Variants in LRRC49 observed in about 807,000 individuals in gnomAD.
LRRC49 encodes the protein leucine-rich repeat-containing protein 49.
In LRRC49, 50 loss-of-function variants were observed where a neutral mutation model predicts 83.3. The observed-to-expected ratio is 0.60, with a 90% CI of 0.48 to 0.76. The LOEUF (loss-of-function observed/expected upper bound fraction) is 0.76, where lower values mean the gene tolerates loss of function less well. Ranked by LOEUF, LRRC49 falls within the 30% of genes least tolerant of loss-of-function variation. The pLI is 0.00. For missense variants in LRRC49, 704 were observed against 809.1 expected (o/e 0.87, Z 1.58); for synonymous variants, 286 against 283.3 (o/e 1.01, Z -0.10).
intron 9 of LRRC49, among the ~76,000 whole-genome samples, chr15:70,964,284 G>A (rs1596074141): frequency 6.6e-6 from 1 of 152,076 alleles, no homozygotes; most frequent in African/African-American, 2.4e-5. Context: ...GATTGCCTGC[G>A]TCTGAATTCT....
intron 6 of LRRC49, among the ~76,000 whole-genome samples, chr15:70,914,248 A>G (rs1016876964): frequency 1.2e-4 from 19 of 152,308 alleles, no homozygotes; most frequent in African/African-American, 4.6e-4. Context: ...ACTATTCTAG[A>G]TGAAACAACT....
intron 14 of LRRC49, among the ~76,000 whole-genome samples, chr15:71,021,824 C>G (rs924045607): frequency 6.6e-6 from 1 of 152,154 alleles, no homozygotes; most frequent in African/African-American, 2.4e-5. Context: ...ATGGCAGAGG[C>G]AGGGTTCAAA....
intron 6 of LRRC49, among the ~76,000 whole-genome samples, chr15:70,917,756 A>C (rs2034843263): frequency 6.6e-6 from 1 of 152,170 alleles, no homozygotes; most frequent in Admixed American, 6.5e-5. Context: ...CTATCACTTA[A>C]GAAGCTCCTC....
At chr15:71,029,543 G>T (rs140853294) in intron 14 of LRRC49, among the ~76,000 whole-genome samples, 1 of 152,060 alleles carries the variant, frequency 6.6e-6, no homozygotes. Context: ...GGTTCGCTTG[G>T]TCCAGAGCTG....
Position 70,896,632 on chromosome 15 carries a change from G to A in LRRC49, c.193+696G>A, listed in dbSNP as rs555343343. 2.4e-4 allele frequency among the ~76,000 whole-genome samples: 37 copies of A among 152,254 alleles called. No individual in the cohort carries two copies. In the South Asian group the frequency reaches 7.7e-3, roughly 32 times the overall value. Reference sequence around the variant, plus strand: ...TTTGAATCTTGGTTTGTTGCTGACAGCCATTAGCTTTCTGTAATGTGCTCA... The same window carrying A: ...TTTGAATCTTGGTTTGTTGCTGACAACCATTAGCTTTCTGTAATGTGCTCA... On this transcript the variant is annotated intron_variant, in intron 3 of 15. Coordinates refer to ENST00000260382, the MANE Select transcript of LRRC49 (RefSeq NM_017691.5).
At chr15:70,904,847 G>T in intron 5 of LRRC49, 92 bp downstream of exon 5, 1 of 928,946 alleles carries the variant, frequency 1.1e-6, no homozygotes, top group Non-Finnish European at 1.6e-6. Context: ...CTTAAGAAAT[G>T]AATAGGCTAA....
chr15:70,900,877 CGAA>C (rs1567042779), intron 3 of LRRC49, 42 bp from the exon 4 acceptor site: 1 of 1,180,730 alleles, frequency 8.5e-7, no homozygotes. Flanking sequence ...TTTCAGACTT[CGAA>C]GGTTTTTCTT....
At chr15:70,862,577 C>CAAAAAAA (rs10623501) in intron 1 of LRRC49, among the ~76,000 whole-genome samples, 1 of 61,748 alleles carries the variant, frequency 1.6e-5, no homozygotes, top group Non-Finnish European at 2.9e-5. Flanking sequence ...GACTCCGTCT[C>CAAAAAAA]AAAAAAAAAA....
intron 10 of LRRC49, among the ~76,000 whole-genome samples, chr15:70,981,911 T>C (rs78006065): frequency 1.9e-4 from 21 of 113,152 alleles, no homozygotes; most frequent in Middle Eastern, 4.4e-3. Context: ...TTTTTTTTTT[T>C]CCTCCACAGA....
intron 2 of LRRC49, chr15:70,882,994 T>C (rs2033305535): frequency 7.1e-7 from 1 of 1,416,114 alleles, no homozygotes; most frequent in South Asian, 1.4e-5. Context: ...TAAGACAGTA[T>C]AGCTGAAAAT....
At chr15:70,986,444 T>C (rs2037621498) in intron 11 of LRRC49, among the ~76,000 whole-genome samples, 1 of 151,670 alleles carries the variant, frequency 6.6e-6, no homozygotes, top group Non-Finnish European at 1.5e-5. Flanking sequence ...TTGTCTGTTA[T>C]TGGTGTATAA....
chr15:71,003,117 A>G (rs2038326003), intron 11 of LRRC49, among the ~76,000 whole-genome samples: 1 of 151,456 alleles, frequency 6.6e-6, no homozygotes, highest in Non-Finnish European at 1.5e-5. Context: ...TTGTATTTTT[A>G]GTAGAGATGG....
At chr15:71,045,020 A>G (rs1210100686) in intron 15 of LRRC49, among the ~76,000 whole-genome samples, 1 of 148,678 alleles carries the variant, frequency 6.7e-6, no homozygotes, top group Non-Finnish European at 1.5e-5. Flanking sequence ...CCTCTCGAGT[A>G]GCTGGGACTA....
chr15:71,050,194 T>G lies in LRRC49; in HGVS notation c.*582T>G, dbSNP rs2039975352. 1 of 151,238 alleles carries G rather than the reference T, an allele frequency of 6.6e-6. No individual in the cohort carries two copies. Among genetic ancestry groups the G allele is most frequent in the Non-Finnish European group, 1.5e-5 (1 of 67,774 alleles). 9.4% of individuals were successfully genotyped at this position (151,238 alleles called of 1,614,324 possible). ...GGAGGATGCCCCATTCTTCTAGGAA[T>G]GCATTCTCAGGGAACCACAGGAGGT... On this transcript the variant is annotated 3_prime_UTR_variant, in exon 16 of 16. Transcript: ENST00000260382.
intron 8 of LRRC49, among the ~76,000 whole-genome samples, chr15:70,959,748 G>A (rs1596069153): frequency 6.6e-6 from 1 of 152,140 alleles, no homozygotes; most frequent in Non-Finnish European, 1.5e-5. Flanking sequence ...GAATTCTAAA[G>A]TTTATATGAA....
chr15:70,972,239 A>G (rs1166407558), intron 9 of LRRC49, among the ~76,000 whole-genome samples: 1 of 152,138 alleles, frequency 6.6e-6, no homozygotes, highest in East Asian at 1.9e-4. Flanking sequence ...TCCTTCACTT[A>G]TGAAGCTTAG....
At chr15:70,896,152 T>C (rs2033827438) in intron 3 of LRRC49, among the ~76,000 whole-genome samples, 1 of 152,080 alleles carries the variant, frequency 6.6e-6, no homozygotes, top group Non-Finnish European at 1.5e-5. Flanking sequence ...TTATTTTACT[T>C]TGAGGGTGGG....
intron 1 of LRRC49, among the ~76,000 whole-genome samples, chr15:70,857,356 C>T (rs1204571351): frequency 1.3e-5 from 2 of 152,018 alleles, no homozygotes; most frequent in Non-Finnish European, 2.9e-5. Flanking sequence ...CAAGGCTAAG[C>T]GTTGAAGAGA....
intron 1 of LRRC49, among the ~76,000 whole-genome samples, chr15:70,869,554 T>C (rs2032985427): frequency 6.6e-6 from 1 of 152,166 alleles, no homozygotes; most frequent in South Asian, 2.1e-4. Context: ...TAAGTAGGGC[T>C]GGTGGGCATT....
Sources: gnomAD v4.1 joint callset for allele counts (sites outside exome capture counted in the v4.1 genomes callset) on GRCh38, gnomAD v4.1.1 for gene constraint, MANE v1.5 for transcripts, NCBI Gene and HGNC (gene_info 2026-07-23, HGNC 2026-07-21) for gene names.